The following KIF13B variants were observed in gnomAD, a reference collection of about 807,000 sequenced individuals.
KIF13B encodes the protein kinesin family member 13B, also known as kinesin-like protein KIF13B.
Under a neutral mutation model 222.0 loss-of-function variants are expected in KIF13B, and 127 were observed. The ratio of observed to expected loss-of-function variants is 0.57; its 90% confidence interval spans 0.50 to 0.66. The LOEUF is 0.66. Among genes scored for constraint, KIF13B ranks in the 30% least tolerant of loss-of-function variants. The pLI is 0.00. For synonymous variants in KIF13B, 976 were observed against 919.0 expected, an observed-to-expected ratio of 1.06 and a Z score of -1.12; for missense variants, 2,173 against 2,379.0, an observed-to-expected ratio of 0.91 and a Z score of 1.80.
rs563204895 is a variant in KIF13B, at chr8:29,107,841, T to C, written c.4215+298A>G. ...TCCCAAAGTGCTGGGATTACATACG[T>C]GAGCCACTGCGCCCAGCCTGAAGTT... On this transcript the variant is annotated intron_variant, in intron 35 of 39. Transcript: ENST00000524189. Among the ~76,000 whole-genome samples, 47 of 151,092 alleles carry C rather than the reference T, an allele frequency of 3.1e-4. 2 individuals are homozygous for C. The highest frequency in any genetic ancestry group is 1.1e-3 in the African/African-American group (45 of 40,432).
At chr8:29,207,893 G>C (rs1034820189) in intron 2 of KIF13B, among the ~76,000 whole-genome samples, 1 of 152,150 alleles carries the variant, frequency 6.6e-6, no homozygotes, top group African/African-American at 2.4e-5. Context: ...AATGAAGAGA[G>C]AAACGTGAAT....
chr8:29,217,224 T>C (rs1381621577), intron 2 of KIF13B, among the ~76,000 whole-genome samples: 1 of 152,176 alleles, frequency 6.6e-6, no homozygotes, highest in Non-Finnish European at 1.5e-5. Flanking sequence ...CTGCTAAGTG[T>C]GTCACTCAAG....
chr8:29,173,929 C>T lies in KIF13B; in HGVS notation c.945+2139G>A, dbSNP rs540417549. On this transcript the variant is annotated intron_variant, in intron 10 of 39. Transcript: ENST00000524189. ...CTACACTCCAGCCTGGGCAACAGAG[C>T]GAGGCTCCGTCTCAAAAAAAAAAAA... is the stretch of plus-strand genomic sequence containing the variant. 3.6e-3 allele frequency among the ~76,000 whole-genome samples: 466 copies of T among 129,794 alleles called. 3 individuals are homozygous for T. The highest frequency in any genetic ancestry group is 0.013 in the African/African-American group (440 of 33,696). 85.1% of individuals were successfully genotyped at this position (129,794 alleles called of 152,430 possible). A position where few individuals can be genotyped will look rare whatever the true frequency, so the allele number is the denominator to read the frequency against.
intron 2 of KIF13B, among the ~76,000 whole-genome samples, chr8:29,214,819 A>G (rs1427012870): frequency 6.6e-6 from 1 of 152,176 alleles, no homozygotes; most frequent in Non-Finnish European, 1.5e-5. Context: ...AACTTTACCA[A>G]TGGCTGTGAT....
intron 35 of KIF13B, among the ~76,000 whole-genome samples, 194 bp from the exon 36 acceptor site, chr8:29,099,435 G>A (rs1305671575): frequency 2.0e-5 from 3 of 152,096 alleles, no homozygotes; most frequent in Non-Finnish European, 4.4e-5. Flanking sequence ...GTGCAGGGGT[G>A]CGCCATCATA....
At position 29,123,502 on chromosome 8, in the gene KIF13B, C is replaced by G; in HGVS notation, c.3353-10G>C. 1 of 1,613,626 alleles carries G rather than the reference C, an allele frequency of 6.2e-7. No homozygotes were observed. Among genetic ancestry groups the G allele is most frequent in the Non-Finnish European group, 8.5e-7 (1 of 1,179,772 alleles). On this transcript the variant is annotated splice_polypyrimidine_tract_variant and intron_variant, in intron 27 of 39. Transcript: ENST00000524189. ...TCATCCTCTGTTTTATCTAGAACAT[C>G]GAGAATGAGGATTCAATGACAAAAC... is the stretch of plus-strand genomic sequence containing the variant.
intron 2 of KIF13B, among the ~76,000 whole-genome samples, chr8:29,218,611 C>T (rs1281800447): frequency 6.6e-6 from 1 of 152,090 alleles, no homozygotes; most frequent in Non-Finnish European, 1.5e-5. Flanking sequence ...AATAGAATGG[C>T]ACGGCTAAGA....
At chr8:29,126,637 T>G in intron 25 of KIF13B, 126 bp from the exon 26 acceptor site, 1 of 678,096 alleles carries the variant, frequency 1.5e-6, no homozygotes, top group African/African-American at 1.8e-5. Context: ...CTATTTCATC[T>G]CCCACCTACC....
intron 35 of KIF13B, among the ~76,000 whole-genome samples, chr8:29,102,961 G>C (rs1006589024): frequency 6.6e-5 from 10 of 151,930 alleles, no homozygotes; most frequent in African/African-American, 2.2e-4. Flanking sequence ...TGATTTTGTC[G>C]GCCAGGTGCG....
intron 35 of KIF13B, among the ~76,000 whole-genome samples, chr8:29,105,577 T>C (rs556879494): frequency 6.6e-6 from 1 of 152,212 alleles, no homozygotes; most frequent in South Asian, 2.1e-4. Context: ...ACAGTACTTT[T>C]CTTTGAAGTA....
intron 9 of KIF13B, among the ~76,000 whole-genome samples, chr8:29,176,402 A>G (rs1023318922): frequency 2.0e-5 from 3 of 152,200 alleles, no homozygotes; most frequent in African/African-American, 7.2e-5. Context: ...GTAGTACATA[A>G]AAATGTGAGC....
chr8:29,129,500 A>T (rs568112679), intron 24 of KIF13B, among the ~76,000 whole-genome samples: 31 of 152,306 alleles, frequency 2.0e-4, no homozygotes, highest in African/African-American at 7.5e-4. Context: ...ATGTAAGCAA[A>T]TGTTCTCTTT....
intron 1 of KIF13B, among the ~76,000 whole-genome samples, chr8:29,252,746 T>C (rs1816330836): frequency 6.6e-6 from 1 of 152,198 alleles, no homozygotes; most frequent in Admixed American, 6.5e-5. Context: ...TTTTCCCAAT[T>C]GGAATATAAT....
intron 5 of KIF13B, among the ~76,000 whole-genome samples, chr8:29,186,845 T>C (rs1563770101): frequency 2.0e-5 from 3 of 151,560 alleles, no homozygotes; most frequent in Non-Finnish European, 4.4e-5. Flanking sequence ...GGCACGTGCT[T>C]GTAGTCCCAG....
At chr8:29,168,961 G>A (rs1245573877) in intron 10 of KIF13B, among the ~76,000 whole-genome samples, 1 of 152,120 alleles carries the variant, frequency 6.6e-6, no homozygotes, top group Non-Finnish European at 1.5e-5. Context: ...CAAAAAGATT[G>A]AATATACTCT....
chr8:29,107,778 T>C (rs1209992629), intron 35 of KIF13B, among the ~76,000 whole-genome samples: 1 of 152,086 alleles, frequency 6.6e-6, no homozygotes, highest in African/African-American at 2.4e-5. Flanking sequence ...GCCAGGATGG[T>C]CTCGATCTCC....
At chr8:29,168,556 G>C (rs530955690) in intron 10 of KIF13B, among the ~76,000 whole-genome samples, 2 of 152,238 alleles carry the variant, frequency 1.3e-5, no homozygotes, top group Admixed American at 6.5e-5. Context: ...GGTGGCTTCT[G>C]TCTTGGGTGT....
chr8:29,132,548 T>C, intron 22 of KIF13B, 83 bp from the exon 23 acceptor site: 1 of 867,748 alleles, frequency 1.2e-6, no homozygotes, highest in Non-Finnish European at 1.6e-6. Context: ...ACATACTTAA[T>C]TATATCAGGG....
At chr8:29,116,781 C>T (rs368548675) in intron 31 of KIF13B, 50 bp downstream of exon 31, 1 of 1,543,206 alleles carries the variant, frequency 6.5e-7, no homozygotes, top group South Asian at 1.2e-5. Flanking sequence ...CACGGCCCTA[C>T]CCTCAGGTCG....
Sources: allele counts gnomAD v4.1 joint callset (sites outside exome capture counted in the v4.1 genomes callset), GRCh38; gene constraint gnomAD v4.1.1; transcripts MANE v1.5; gene names NCBI Gene and HGNC (gene_info 2026-07-23, HGNC 2026-07-21).